The following TRIO variants were observed in gnomAD, a reference collection of about 807,000 sequenced individuals.
TRIO encodes triple functional domain protein.
In TRIO, 58 loss-of-function variants were observed where a neutral mutation model predicts 351.9. The ratio of observed to expected loss-of-function variants is 0.16; its 90% CI spans 0.13 to 0.21. TRIO has a LOEUF of 0.21. Ranked by LOEUF, TRIO falls within the 10% of genes least tolerant of loss-of-function variation. The probability of loss-of-function intolerance (pLI) is 1.00; values close to 1 mark genes in which losing one functional copy is unlikely to be tolerated. For missense variants in TRIO, 3,201 were observed against 4,027.8 expected (o/e 0.79, Z 5.56); for synonymous variants, 1,758 against 1,595.7 (o/e 1.10, Z -2.42).
chr5:14,487,159 C>T (rs1755975014), intron 47 of TRIO, among the ~76,000 whole-genome samples: 1 of 152,274 alleles, frequency 6.6e-6, no homozygotes, highest in South Asian at 2.1e-4. Flanking sequence ...AAGACCTTTG[C>T]GGAAGCCAGT....
At chr5:14,309,266 C>A (rs1738697614) in intron 8 of TRIO, among the ~76,000 whole-genome samples, 1 of 152,154 alleles carries the variant, frequency 6.6e-6, no homozygotes, top group African/African-American at 2.4e-5. Context: ...AGAAACCTGG[C>A]TTCTATTTTC....
In TRIO at chr5:14,387,547, G is replaced by A. The variant is rs1252208341; in HGVS notation, c.3680G>A (p.Arg1227Lys). ...AAATGTGTTACTGCTGTGGATAAGAGGTACAGAGATTTCTCTCTGCGGATG... is the reference window on the plus strand; with the variant it reads ...AAATGTGTTACTGCTGTGGATAAGAAGTACAGAGATTTCTCTCTGCGGATG... ...IKKCVTAVDKRYRDFSLRMEK... is the reference protein window; with the variant it reads ...IKKCVTAVDKKYRDFSLRMEK... The change falls in exon 22 of 57, where the codon AGG (arginine) becomes AAG (lysine). Residue 1227 changes from arginine to lysine, a missense_variant. By Grantham distance (26) the Arg-to-Lys change is conservative. This residue lies in a region of TRIO where 201 missense variants were observed against 266.5 expected (regional missense o/e 0.75). Transcript: ENST00000344204. The A allele has an allele frequency of 6.2e-7, 1 of 1,614,228 alleles. No homozygotes were observed. The highest frequency in any genetic ancestry group is 1.7e-5 in the Admixed American group (1 of 60,022).
chr5:14,441,276 A>G lies in TRIO; in HGVS notation c.5204-19743A>G, dbSNP rs1430896718. ...GCCCAACGGATTGAAGCCAGTGGACACGCTGGACTCGCTGTCCTCTGTCAG... is the reference window on the plus strand; with the variant it reads ...GCCCAACGGATTGAAGCCAGTGGACGCGCTGGACTCGCTGTCCTCTGTCAG... On this transcript the variant is annotated intron_variant, in intron 34 of 56. Transcript: ENST00000344204. 5.9e-5 allele frequency: 9 copies of G among 153,354 alleles called. No individual in the cohort carries two copies. The Admixed American group carries it at 5.9e-4, about 10-fold the overall frequency. The allele number at this position is 153,354 out of a possible 1,614,324, so 9.5% of individuals were successfully genotyped here. A position where few individuals can be genotyped will look rare whatever the true frequency, so the allele number is the denominator to read the frequency against.
chr5:14,161,909 G>T (rs1411179021), intron 1 of TRIO, among the ~76,000 whole-genome samples: 1 of 152,068 alleles, frequency 6.6e-6, no homozygotes, highest in African/African-American at 2.4e-5. Flanking sequence ...TGTAGAAATG[G>T]GGTCTTGCCA....
chr5:14,144,824 GCCCGCGTCCCCGCGT>G (rs1170388164), intron 1 of TRIO, among the ~76,000 whole-genome samples: 70 of 152,006 alleles, frequency 4.6e-4, no homozygotes, highest in Non-Finnish European at 7.4e-4. Flanking sequence ...CGCGAGCCGG[GCCCGCGTCCCCGCGT>G]CCCGCGTCCC....
intron 38 of TRIO, among the ~76,000 whole-genome samples, chr5:14,471,931 C>A (rs706282): frequency 6.6e-6 from 1 of 150,410 alleles, no homozygotes; most frequent in South Asian, 2.1e-4. Context: ...AAAAAAAAAA[C>A]GTAAGCTACG....
rs886823860 is a variant in TRIO at position 14,498,026 on chromosome 5, T to C, written c.8048-63T>C. The C allele has an allele frequency of 7.4e-6, 12 of 1,611,350 alleles. No homozygotes were observed. The East Asian group carries it at 2.2e-4, about 30-fold the overall frequency. On this transcript the variant is annotated intron_variant, in intron 51 of 56. Transcript: ENST00000344204. ...AGGTCCTATCAATCTGTCGGGGACA[T>C]GTGGGTGGGTGTGGAGGAGGAGCCA...
intron 34 of TRIO, among the ~76,000 whole-genome samples, chr5:14,431,827 C>T (rs1751176038): frequency 1.3e-5 from 2 of 152,216 alleles, no homozygotes; most frequent in African/African-American, 4.8e-5. Flanking sequence ...CCTCTGGGGC[C>T]TCTGTCCTTG....
chr5:14,277,193 G>T (rs1379883425), intron 2 of TRIO, among the ~76,000 whole-genome samples: 1 of 152,226 alleles, frequency 6.6e-6, no homozygotes, highest in African/African-American at 2.4e-5. Context: ...GGAGGAGACA[G>T]ATAGACAAAA....
At chr5:14,152,924 G>GT (rs1231910510) in intron 1 of TRIO, among the ~76,000 whole-genome samples, 1 of 152,158 alleles carries the variant, frequency 6.6e-6, no homozygotes, top group Non-Finnish European at 1.5e-5. Context: ...TAGTTGGTTG[G>GT]TATACATATT....
At chr5:14,450,016 C>G (rs1382458126) in intron 34 of TRIO, among the ~76,000 whole-genome samples, 1 of 152,210 alleles carries the variant, frequency 6.6e-6, no homozygotes, top group African/African-American at 2.4e-5. Flanking sequence ...AAATGATGCT[C>G]AAAGTCTTGC....
At chr5:14,462,614 T>A in intron 35 of TRIO, 141 bp from the exon 36 acceptor site, 1 of 1,198,402 alleles carries the variant, frequency 8.3e-7, no homozygotes, top group East Asian at 2.4e-5. Flanking sequence ...AGAGGAAAAG[T>A]TACCATCGAG....
At chr5:14,473,740 C>T (rs1754846630) in intron 39 of TRIO, among the ~76,000 whole-genome samples, 1 of 152,080 alleles carries the variant, frequency 6.6e-6, no homozygotes, top group Non-Finnish European at 1.5e-5. Context: ...TCTTTAATTC[C>T]TTAGAAGATT....
chr5:14,456,156 A>G (rs1232130442), intron 34 of TRIO, among the ~76,000 whole-genome samples: 1 of 152,198 alleles, frequency 6.6e-6, no homozygotes, highest in African/African-American at 2.4e-5. Flanking sequence ...CTGGCTGGCC[A>G]CTCGGAGTGC....
intron 35 of TRIO, among the ~76,000 whole-genome samples, chr5:14,461,823 G>C (rs1753837023): frequency 6.6e-6 from 1 of 152,232 alleles, no homozygotes; most frequent in South Asian, 2.1e-4. Flanking sequence ...CTTACAGCTT[G>C]TCTTGAGTAG....
At chr5:14,254,192 C>T (rs902565114) in intron 1 of TRIO, among the ~76,000 whole-genome samples, 2 of 151,600 alleles carry the variant, frequency 1.3e-5, no homozygotes. Context: ...CTCCCCCCCT[C>T]CCCCCGCCTG....
chr5:14,389,387 A>C lies in TRIO; in HGVS notation c.4047A>C (p.Glu1349Asp). 1 of 1,609,864 alleles carries C rather than the reference A, an allele frequency of 6.2e-7. No individual in the cohort carries two copies. The highest frequency in any genetic ancestry group is 1.1e-5 in the South Asian group (1 of 90,206). ...IIFGNMQEIY[E>D]FHNNIFLKEL... ...TCGGAAACATGCAAGAAATCTACGAATTTCATAATAAGTGAGTGGCTTTTT... is the reference window on the plus strand; with the variant it reads ...TCGGAAACATGCAAGAAATCTACGACTTTCATAATAAGTGAGTGGCTTTTT... Residue 1349 changes from glutamate (E) to aspartate (D), a missense_variant, in exon 25 of 57, where the codon GAA becomes GAC. Around this residue, in one of 19 missense-constraint regions of TRIO, gnomAD observed 115 missense variants for 239.6 expected, o/e 0.48. Transcript: ENST00000344204.
Position 14,261,660 on chromosome 5 carries a change from G to T in TRIO, c.158-9165G>T, listed in dbSNP as rs567486603. ...AGAGCTGTGAGGCTCTGTGTTTCCTGCTTAGACACCACTTCCCTGAAGGCT... is the reference window on the plus strand; with the variant it reads ...AGAGCTGTGAGGCTCTGTGTTTCCTTCTTAGACACCACTTCCCTGAAGGCT... On this transcript the variant is annotated intron_variant, in intron 1 of 56. Coordinates refer to ENST00000344204, the MANE Select transcript of TRIO (RefSeq NM_007118.4). 2.0e-5 allele frequency among the ~76,000 whole-genome samples: 3 copies of T among 152,310 alleles called. No homozygotes were observed. In the South Asian group the frequency reaches 6.2e-4, roughly 32 times the overall value.
chr5:14,285,597 G>C (rs1446804593), intron 3 of TRIO, among the ~76,000 whole-genome samples: 1 of 151,934 alleles, frequency 6.6e-6, no homozygotes. Flanking sequence ...GCATGAAATT[G>C]GTTTTAATTT....
Sources: allele counts gnomAD v4.1 joint callset (sites outside exome capture counted in the v4.1 genomes callset), GRCh38; gene constraint gnomAD v4.1.1; regional missense constraint gnomAD v4.1.1; transcripts MANE v1.5; gene names NCBI Gene and HGNC (gene_info 2026-07-23, HGNC 2026-07-21).